BST1: variants seen among roughly 807,000 people sequenced by gnomAD.
BST1 encodes the protein ADP-ribosyl cyclase/cyclic ADP-ribose hydrolase 2.
In BST1, 49 loss-of-function variants were observed where a neutral mutation model predicts 40.6. The observed-to-expected ratio is 1.21, with a 90% confidence interval of 0.96 to 1.53. The LOEUF (loss-of-function observed/expected upper bound fraction) is 1.53. Among genes scored for constraint, BST1 ranks in the 40% most tolerant of loss-of-function variants. The pLI, the probability that BST1 is intolerant of heterozygous loss-of-function variation, is 0.00. For synonymous variants in BST1, 157 were observed against 159.3 expected (o/e 0.99, Z 0.11); for missense variants, 423 against 395.9 (o/e 1.07, Z -0.58).
downstream of BST1, among the ~76,000 whole-genome samples, chr4:15,737,342 G>A (rs981282911): frequency 3.9e-5 from 6 of 152,116 alleles, no homozygotes; most frequent in Admixed American, 2.6e-4. Flanking sequence ...ATCCTCACTC[G>A]ACCCCATAGG....
At chr4:15,763,943 G>A in the BST1 span, among the ~76,000 whole-genome samples, 2 of 152,066 alleles carry the variant, frequency 1.3e-5, no homozygotes, top group African/African-American at 4.8e-5. Flanking sequence ...TGAATGAGCA[G>A]TTAAACAATT....
At chr4:15,711,582 A>G (rs1000098287) in intron 3 of BST1, among the ~76,000 whole-genome samples, 2 of 152,204 alleles carry the variant, frequency 1.3e-5, no homozygotes, top group African/African-American at 4.8e-5. Flanking sequence ...CCTTCCTCAC[A>G]TTTGTGATGA....
chr4:15,726,749 C>A (rs1039018137), intron 8 of BST1, among the ~76,000 whole-genome samples: 1 of 152,172 alleles, frequency 6.6e-6, no homozygotes, highest in Non-Finnish European at 1.5e-5. Flanking sequence ...CCACTGCACC[C>A]TACACCACCA....
intron 3 of BST1, among the ~76,000 whole-genome samples, chr4:15,709,155 G>A (rs1399717199): frequency 6.6e-6 from 1 of 152,192 alleles, no homozygotes; most frequent in Non-Finnish European, 1.5e-5. Context: ...AAAAAAGATT[G>A]AGGGTGGAGG....
chr4:15,739,795 A>T (rs1275255939), downstream of BST1, among the ~76,000 whole-genome samples: 1 of 152,178 alleles, frequency 6.6e-6, no homozygotes, highest in Non-Finnish European at 1.5e-5. Context: ...ATGTGTACAG[A>T]AATATAATCA....
chr4:15,736,248 C>A, downstream of BST1: 1 of 616,770 alleles, frequency 1.6e-6, no homozygotes, highest in Non-Finnish European at 2.4e-6. Flanking sequence ...ACGCTAGGGT[C>A]CTGAGTGCAT....
chr4:15,703,628 AGGG>A (rs201773479), intron 1 of BST1, among the ~76,000 whole-genome samples: 1 of 71,422 alleles, frequency 1.4e-5, no homozygotes, highest in Non-Finnish European at 2.9e-5. Flanking sequence ...TCTAGAGGTG[AGGG>A]GGGTGTGTGT....
intron 5 of BST1, 76 bp from the exon 6 acceptor site, chr4:15,715,630 GA>G (rs1577578123): frequency 4.7e-6 from 5 of 1,053,318 alleles, no homozygotes; most frequent in Non-Finnish European, 6.8e-6. Flanking sequence ...TTTTTTTTAA[GA>G]AAGGTAATGT....
At chr4:15,727,270 AGG>A (rs1414951092) in intron 8 of BST1, among the ~76,000 whole-genome samples, 1 of 152,150 alleles carries the variant, frequency 6.6e-6, no homozygotes, top group Non-Finnish European at 1.5e-5. Flanking sequence ...CAGGTAAGTA[AGG>A]GGTTTGCAGT....
downstream of BST1, among the ~76,000 whole-genome samples, chr4:15,741,301 T>C (rs751487913): frequency 6.6e-6 from 1 of 152,142 alleles, no homozygotes; most frequent in Non-Finnish European, 1.5e-5. Flanking sequence ...AGAGTAACCT[T>C]GTCCAGGAGT....
At chr4:15,725,686 A>G (rs1374656323) in intron 8 of BST1, among the ~76,000 whole-genome samples, 1 of 152,186 alleles carries the variant, frequency 6.6e-6, no homozygotes, top group Non-Finnish European at 1.5e-5. Flanking sequence ...AAGATATCAT[A>G]TGCTTTCCTG....
the BST1 span, among the ~76,000 whole-genome samples, chr4:15,770,148 AT>A: frequency 3.1e-4 from 47 of 150,632 alleles, no homozygotes; most frequent in South Asian, 6.5e-3. Flanking sequence ...CTAAAATGTG[AT>A]TTTTTTTTTT....
chr4:15,720,975 C>T (rs576636365), intron 7 of BST1, among the ~76,000 whole-genome samples: 8 of 152,294 alleles, frequency 5.3e-5, no homozygotes, highest in African/African-American at 1.9e-4. Flanking sequence ...GTCTCCTTGC[C>T]CCTCACGGCT....
chr4:15,729,107 G>T (rs1721260527), intron 8 of BST1, among the ~76,000 whole-genome samples: 1 of 152,106 alleles, frequency 6.6e-6, no homozygotes, highest in African/African-American at 2.4e-5. Context: ...CTAATTTAAA[G>T]TCATTTAAAA....
chr4:15,768,215 T>C, the BST1 span, among the ~76,000 whole-genome samples: 1,338 of 152,288 alleles, frequency 8.8e-3, 15 homozygotes, highest in African/African-American at 0.03. Flanking sequence ...TTCTAGACTG[T>C]GGATCTTCAG....
the BST1 span, among the ~76,000 whole-genome samples, chr4:15,756,377 A>T: frequency 6.6e-6 from 1 of 152,158 alleles, no homozygotes; most frequent in African/African-American, 2.4e-5. Context: ...TCTCATTTTC[A>T]ATCGTGGTTT....
intron 8 of BST1, among the ~76,000 whole-genome samples, chr4:15,730,350 G>A (rs1318493607): frequency 6.6e-6 from 1 of 152,218 alleles, no homozygotes; most frequent in Non-Finnish European, 1.5e-5. Context: ...ACTATGAATA[G>A]GGTCCATATT....
At chr4:15,755,741 T>G in the BST1 span, among the ~76,000 whole-genome samples, 1 of 152,184 alleles carries the variant, frequency 6.6e-6, no homozygotes, top group Admixed American at 6.5e-5. Context: ...AGAGTGTTTA[T>G]GCATCTGTGA....
chr4:15,723,945 A>G (rs566763317), intron 8 of BST1, among the ~76,000 whole-genome samples: 1 of 152,216 alleles, frequency 6.6e-6, no homozygotes, highest in African/African-American at 2.4e-5. Context: ...CATTATTGTC[A>G]TTTCAGTTTG....
Sources: allele counts gnomAD v4.1 joint callset (sites outside exome capture counted in the v4.1 genomes callset), GRCh38; gene constraint gnomAD v4.1.1; transcripts MANE v1.5; gene names NCBI Gene and HGNC (gene_info 2026-07-23, HGNC 2026-07-21).